ITGA8: variants seen among roughly 807,000 people sequenced by gnomAD.
ITGA8 encodes the protein integrin subunit alpha 8.
A neutral mutation model predicts 142.3 loss-of-function variants in ITGA8; 91 were observed. The observed-to-expected ratio is 0.64, with a 90% CI of 0.54 to 0.76. ITGA8 has a LOEUF of 0.76. Among genes scored for constraint, ITGA8 ranks in the 30% least tolerant of loss-of-function variants. The pLI is 0.00. For synonymous variants in ITGA8, 505 were observed against 485.2 expected (o/e 1.04, Z -0.54); for missense variants, 1,406 against 1,327.7 (o/e 1.06, Z -0.92).
chr10:15,701,465 C>A (rs569806053), intron 2 of ITGA8, among the ~76,000 whole-genome samples: 1 of 152,024 alleles, frequency 6.6e-6, no homozygotes, highest in South Asian at 2.1e-4. Flanking sequence ...AGCTATCTCT[C>A]TGAAATTGGC....
intron 2 of ITGA8, among the ~76,000 whole-genome samples, chr10:15,700,762 T>C (rs1173247178): frequency 6.6e-6 from 1 of 152,052 alleles, no homozygotes; most frequent in Non-Finnish European, 1.5e-5. Flanking sequence ...GCTGAGGACA[T>C]GAATAGTTCC....
chr10:15,529,119 G>T (rs570895202), intron 28 of ITGA8, among the ~76,000 whole-genome samples: 1 of 150,564 alleles, frequency 6.6e-6, no homozygotes, highest in Admixed American at 6.6e-5. Flanking sequence ...TTGAGACGAG[G>T]TCTCGCCCAG....
At chr10:15,587,114 G>C (rs767063322) in intron 22 of ITGA8, among the ~76,000 whole-genome samples, 2 of 151,864 alleles carry the variant, frequency 1.3e-5, no homozygotes, top group African/African-American at 2.4e-5. Context: ...GTAAAGACGG[G>C]GTTTCACCAT....
chr10:15,671,575 GT>G, intron 8 of ITGA8, 27 bp downstream of exon 8: 1 of 1,589,626 alleles, frequency 6.3e-7, no homozygotes, highest in Non-Finnish European at 8.6e-7. Context: ...TGCTTTATAA[GT>G]GATTTAAACT....
At chr10:15,592,652 T>C (rs1436685734) in intron 21 of ITGA8, among the ~76,000 whole-genome samples, 2 of 152,256 alleles carry the variant, frequency 1.3e-5, no homozygotes, top group Non-Finnish European at 2.9e-5. Context: ...TCACCCAGGC[T>C]GGAGTGCATT....
rs189036455 is a variant in ITGA8, at chr10:15,674,694, G to A, written c.677-1945C>T. Among the ~76,000 whole-genome samples the A allele has an allele frequency of 3.4e-3, 516 of 152,266 alleles. 2 individuals are homozygous for A. The highest frequency in any genetic ancestry group is 3.4e-3 in the Non-Finnish European group (232 of 68,018). On this transcript the variant is annotated intron_variant, in intron 6 of 29. Transcript: ENST00000378076. ...TGCCTGTAATCCCAGAACTCTGGGA[G>A]GCTGAGGCGGGCGGATCATGAGTTT...
intron 2 of ITGA8, among the ~76,000 whole-genome samples, chr10:15,702,858 T>C (rs1002233855): frequency 1.1e-4 from 16 of 152,206 alleles, no homozygotes; most frequent in Non-Finnish European, 2.2e-4. Context: ...CAGTACAAAG[T>C]AACAAAACTT....
chr10:15,663,432 T>C (rs942782467), intron 8 of ITGA8, among the ~76,000 whole-genome samples: 2 of 152,180 alleles, frequency 1.3e-5, no homozygotes, highest in African/African-American at 4.8e-5. Flanking sequence ...TAAAACCCAA[T>C]CCATTTTTCA....
At chr10:15,569,582 TAACTA>T (rs1191265626) in intron 25 of ITGA8, among the ~76,000 whole-genome samples, 1 of 152,144 alleles carries the variant, frequency 6.6e-6, no homozygotes, top group African/African-American at 2.4e-5. Context: ...AAAATAAAAC[TAACTA>T]TACAATTTTT....
At position 15,594,983 on chromosome 10, in the gene ITGA8, C is replaced by A. The variant is rs75204266; in HGVS notation, c.2211+2224G>T. Among the ~76,000 whole-genome samples, 10 of 152,126 alleles carry A rather than the reference C, an allele frequency of 6.6e-5. No homozygotes were observed. In the East Asian group the frequency reaches 1.7e-3, roughly 26 times the overall value. ...AGGTGCATGTGTCCTTAACTAGTACCAAACACCAGATCTCATGGCATTGAT... is the reference window on the plus strand; with the variant it reads ...AGGTGCATGTGTCCTTAACTAGTACAAAACACCAGATCTCATGGCATTGAT... On this transcript the variant is annotated intron_variant, in intron 21 of 29. Coordinates refer to ENST00000378076, the MANE Select transcript of ITGA8 (RefSeq NM_003638.3).
chr10:15,652,532 A>G (rs1041551464), intron 11 of ITGA8, among the ~76,000 whole-genome samples: 2 of 151,630 alleles, frequency 1.3e-5, no homozygotes, highest in Non-Finnish European at 2.9e-5. Context: ...ACTGGACGGC[A>G]TGCTATGTCT....
intron 2 of ITGA8, among the ~76,000 whole-genome samples, chr10:15,698,435 G>A (rs1208411517): frequency 6.6e-6 from 1 of 152,098 alleles, no homozygotes; most frequent in Admixed American, 6.5e-5. Context: ...CTAGTACTGG[G>A]ATTGCTGGAT....
At chr10:15,600,351 CTAT>C (rs1833082746) in intron 20 of ITGA8, among the ~76,000 whole-genome samples, 2 of 152,166 alleles carry the variant, frequency 1.3e-5, no homozygotes, top group South Asian at 4.1e-4. Flanking sequence ...ATTGTCTCAA[CTAT>C]TATTAAGCCT....
At chr10:15,550,394 G>T (rs915861694) in intron 26 of ITGA8, among the ~76,000 whole-genome samples, 1 of 152,212 alleles carries the variant, frequency 6.6e-6, no homozygotes, top group Non-Finnish European at 1.5e-5. Context: ...GGACTCTCAT[G>T]TTGACCTGTG....
intron 3 of ITGA8, 148 bp from the exon 4 acceptor site, chr10:15,684,275 G>A (rs1316505759): frequency 4.2e-6 from 3 of 719,514 alleles, no homozygotes; most frequent in Non-Finnish European, 4.3e-6. Context: ...GGTCATCAGA[G>A]GTAATTAAAC....
chr10:15,525,203 A>G (rs1833147961), intron 28 of ITGA8, among the ~76,000 whole-genome samples: 1 of 152,108 alleles, frequency 6.6e-6, no homozygotes, highest in Non-Finnish European at 1.5e-5. Flanking sequence ...ATCATTTCAA[A>G]TAATATTTAT....
At chr10:15,564,944 AAAC>A (rs1337421565) in intron 25 of ITGA8, among the ~76,000 whole-genome samples, 1 of 151,876 alleles carries the variant, frequency 6.6e-6, no homozygotes, top group East Asian at 1.9e-4. Flanking sequence ...TAGGGAAAGA[AAAC>A]CCCCACTTTT....
chr10:15,710,804 C>T (rs972425040), intron 2 of ITGA8, among the ~76,000 whole-genome samples: 1 of 152,142 alleles, frequency 6.6e-6, no homozygotes, highest in African/African-American at 2.4e-5. Context: ...ACTGCTGTAC[C>T]TGGGGTGAGA....
chr10:15,709,517 T>C (rs192197729), intron 2 of ITGA8, among the ~76,000 whole-genome samples: 59 of 152,362 alleles, frequency 3.9e-4, no homozygotes, highest in Non-Finnish European at 7.2e-4. Context: ...CAATTCATGC[T>C]ATGATGTTTG....
Sources: gnomAD v4.1 joint callset for allele counts (sites outside exome capture counted in the v4.1 genomes callset) on GRCh38, gnomAD v4.1.1 for gene constraint, MANE v1.5 for transcripts, NCBI Gene and HGNC (gene_info 2026-07-23, HGNC 2026-07-21) for gene names.